TASP1: variants seen among roughly 807,000 people sequenced by gnomAD.
TASP1 encodes taspase 1.
Under a neutral mutation model 56.6 loss-of-function variants are expected in TASP1, and 16 were observed. The ratio of observed to expected loss-of-function variants is 0.28; its 90% CI spans 0.19 to 0.43. TASP1 has a LOEUF of 0.43. TASP1 is among the 20% of genes least tolerant of loss of function. The probability of loss-of-function intolerance (pLI) is 1.00; values close to 1 mark genes in which losing one functional copy is unlikely to be tolerated. For missense variants in TASP1, 393 were observed against 511.6 expected, an observed-to-expected ratio of 0.77 and a Z score of 2.24; for synonymous variants, 179 against 184.2, an observed-to-expected ratio of 0.97 and a Z score of 0.23.
At chr20:13,622,150 T>A (rs1323116952) in intron 4 of TASP1, among the ~76,000 whole-genome samples, 1 of 152,246 alleles carries the variant, frequency 6.6e-6, no homozygotes, top group Non-Finnish European at 1.5e-5. Flanking sequence ...CTAACAGTTA[T>A]GGGGTGCTTA....
chr20:13,528,786 A>C (rs2045095209), intron 9 of TASP1, among the ~76,000 whole-genome samples: 1 of 151,978 alleles, frequency 6.6e-6, no homozygotes, highest in African/African-American at 2.4e-5. Context: ...TCCCTGAAAA[A>C]CTTCTCCCTT....
At chr20:13,114,983 C>T in the TASP1 span, among the ~76,000 whole-genome samples, 1 of 152,130 alleles carries the variant, frequency 6.6e-6, no homozygotes, top group Non-Finnish European at 1.5e-5. Context: ...AATTCAAGTC[C>T]CTGCACAGAG....
chr20:13,513,296 G>C (rs1350374324), intron 10 of TASP1, among the ~76,000 whole-genome samples: 1 of 151,956 alleles, frequency 6.6e-6, no homozygotes, highest in African/African-American at 2.4e-5. Flanking sequence ...GAGCTCCTAG[G>C]CTTTCTGGAG....
intron 6 of TASP1, among the ~76,000 whole-genome samples, chr20:13,578,820 T>TA (rs1314794593): frequency 6.6e-6 from 1 of 152,212 alleles, no homozygotes; most frequent in Non-Finnish European, 1.5e-5. Flanking sequence ...TATCCATATC[T>TA]ACATCAACCT....
chr20:13,226,440 G>A, the TASP1 span, among the ~76,000 whole-genome samples: 1 of 151,960 alleles, frequency 6.6e-6, no homozygotes, highest in South Asian at 2.1e-4. Flanking sequence ...ATTGACAATT[G>A]TTTCACTTAG....
At chr20:13,288,484 G>A in the TASP1 span, 5 of 1,568,644 alleles carry the variant, frequency 3.2e-6, no homozygotes, top group Admixed American at 5.2e-5. Flanking sequence ...GCTTGATGGG[G>A]AGATTGGGAG....
chr20:13,279,674 A>T, the TASP1 span: 3 of 1,613,888 alleles, frequency 1.9e-6, no homozygotes, highest in Non-Finnish European at 2.5e-6. Context: ...TCTGAAGCAG[A>T]TAAAGATCAG....
the TASP1 span, among the ~76,000 whole-genome samples, chr20:13,277,067 G>A: frequency 2.1e-4 from 32 of 152,172 alleles, no homozygotes; most frequent in Middle Eastern, 3.4e-3. Context: ...AGCTTTTGGA[G>A]TAAATTTGTA....
At chr20:13,345,955 G>T in the TASP1 span, among the ~76,000 whole-genome samples, 1 of 149,824 alleles carries the variant, frequency 6.7e-6, no homozygotes, top group East Asian at 1.9e-4. Context: ...TGAAGAACAG[G>T]ACTACTTGGC....
chr20:13,174,432 G>A, the TASP1 span, among the ~76,000 whole-genome samples: 17 of 152,162 alleles, frequency 1.1e-4, no homozygotes, highest in South Asian at 2.1e-4. Context: ...GTGTGGTGGC[G>A]CATGCCTGTA....
the TASP1 span, among the ~76,000 whole-genome samples, chr20:13,307,832 A>G: frequency 6.6e-6 from 1 of 152,208 alleles, no homozygotes; most frequent in East Asian, 1.9e-4. Flanking sequence ...CAGTTCTACC[A>G]TGGAGGAACA....
chr20:13,143,086 T>G, the TASP1 span, among the ~76,000 whole-genome samples: 17,422 of 152,254 alleles, frequency 0.11, 1,110 homozygotes, highest in East Asian at 0.2. Flanking sequence ...CTGCTTCAAC[T>G]TGAGCACTGA....
chr20:13,217,802 C>T, the TASP1 span, among the ~76,000 whole-genome samples: 1 of 152,350 alleles, frequency 6.6e-6, no homozygotes, highest in East Asian at 1.9e-4. Flanking sequence ...ATTATACCAG[C>T]TGCTGTGCAA....
At chr20:13,305,218 A>T in the TASP1 span, among the ~76,000 whole-genome samples, 1 of 140,330 alleles carries the variant, frequency 7.1e-6, no homozygotes, top group Admixed American at 7.3e-5. Context: ...AAAAAAAAAA[A>T]ACCCTTAATT....
At chr20:13,342,239 GTT>G in the TASP1 span, among the ~76,000 whole-genome samples, 1 of 152,180 alleles carries the variant, frequency 6.6e-6, no homozygotes, top group Non-Finnish European at 1.5e-5. Flanking sequence ...GCCAGACAGA[GTT>G]TGTTTTTCCA....
chr20:13,588,297 G>GGAAA (rs2047389363), intron 4 of TASP1, among the ~76,000 whole-genome samples: 1 of 131,216 alleles, frequency 7.6e-6, no homozygotes, highest in African/African-American at 2.9e-5. Context: ...AAGGAAGGAA[G>GGAAA]GAAGGAAGGA....
At chr20:13,198,883 C>T in the TASP1 span, among the ~76,000 whole-genome samples, 5 of 142,162 alleles carry the variant, frequency 3.5e-5, no homozygotes, top group South Asian at 4.5e-4. Flanking sequence ...TCTTTCCTTC[C>T]TTCCTTCCTT....
chr20:13,298,056 C>G, the TASP1 span, among the ~76,000 whole-genome samples: 1 of 152,110 alleles, frequency 6.6e-6, no homozygotes, highest in Non-Finnish European at 1.5e-5. Flanking sequence ...CCTTTTCCAT[C>G]ATATCATCAC....
At chr20:13,490,455 T>C (rs2043484570) in intron 10 of TASP1, among the ~76,000 whole-genome samples, 1 of 152,170 alleles carries the variant, frequency 6.6e-6, no homozygotes, top group Non-Finnish European at 1.5e-5. Flanking sequence ...AAGAGTTAAT[T>C]AATAAAGTAT....
Sources: allele counts gnomAD v4.1 joint callset (sites outside exome capture counted in the v4.1 genomes callset), GRCh38; gene constraint gnomAD v4.1.1; transcripts MANE v1.5; gene names NCBI Gene and HGNC (gene_info 2026-07-23, HGNC 2026-07-21).